Variants in SHANK2 observed in about 807,000 individuals in gnomAD.
The protein encoded by SHANK2 is SH3 and multiple ankyrin repeat domains protein 2.
Under a neutral mutation model 133.7 loss-of-function variants are expected in SHANK2, and 43 were observed. The ratio of observed to expected loss-of-function variants is 0.32; its 90% CI spans 0.25 to 0.41. The LOEUF (loss-of-function observed/expected upper bound fraction) is 0.41. SHANK2 is among the 10% of genes least tolerant of loss of function. The probability of loss-of-function intolerance (pLI) is 1.00; values close to 1 mark genes in which losing one functional copy is unlikely to be tolerated. For missense variants in SHANK2, 1,994 were observed against 2,235.8 expected (o/e 0.89, Z 2.18); for synonymous variants, 1,017 against 952.8 (o/e 1.07, Z -1.24).
chr11:71,128,548 G>A (rs1359404992), intron 3 of SHANK2, among the ~76,000 whole-genome samples: 2 of 152,180 alleles, frequency 1.3e-5, no homozygotes, highest in African/African-American at 2.4e-5. Flanking sequence ...TGTACACACC[G>A]ATCCCGGAAA....
At chr11:71,215,954 A>T (rs781929918) in intron 2 of SHANK2, among the ~76,000 whole-genome samples, 1 of 152,116 alleles carries the variant, frequency 6.6e-6, no homozygotes, top group Non-Finnish European at 1.5e-5. Flanking sequence ...GATGAAGATA[A>T]CCAAGAAGAG....
chr11:70,485,543 G>T lies in SHANK2; in HGVS notation c.4750C>A (p.Pro1584Thr). 1 of 1,612,838 alleles carries T rather than the reference G, an allele frequency of 6.2e-7. No homozygotes were observed. Among genetic ancestry groups the T allele is most frequent in the Non-Finnish European group, 8.5e-7 (1 of 1,180,016 alleles). The change falls in exon 25 of 26, where the codon CCC (proline) becomes ACC (threonine). Residue 1584 changes from proline to threonine, a missense_variant. Coordinates refer to ENST00000601538, the MANE Select transcript of SHANK2 (RefSeq NM_012309.5). The surrounding 1 kb of genome is among the most constrained non-coding windows in gnomAD (Gnocchi z 5.8). Reference protein sequence around the residue: ...SFVIPPPAPPPPPGSAQPGMA... With the variant: ...SFVIPPPAPPTPPGSAQPGMA... The stretch of plus-strand genomic sequence containing the variant: ...CCAGGCTGGGCACTGCCCGGCGGGG[G>T]CGGGGGAGCGGGCGGGGGGATAACA...
At chr11:70,896,323 A>C (rs1459449068) in intron 11 of SHANK2, 178 bp downstream of exon 11, 7 of 564,160 alleles carry the variant, frequency 1.2e-5, no homozygotes, top group Non-Finnish European at 2.2e-5. Context: ...CCCCATCCCC[A>C]CTATAAGTTA....
At chr11:70,818,314 C>T in intron 12 of SHANK2, among the ~76,000 whole-genome samples, 1 of 152,082 alleles carries the variant, frequency 6.6e-6, no homozygotes, top group East Asian at 1.9e-4. Context: ...CATACACAAA[C>T]ACATACACAC....
At chr11:70,555,685 C>T (rs934341260) in intron 17 of SHANK2, among the ~76,000 whole-genome samples, 1 of 152,164 alleles carries the variant, frequency 6.6e-6, no homozygotes, top group African/African-American at 2.4e-5. Flanking sequence ...GTGAATATGC[C>T]ACTGCATTCC....
rs1355137782 is a variant in SHANK2 at position 70,804,382 on chromosome 11, GC to G, written c.1663+2619del. Among the ~76,000 whole-genome samples, 1 of 152,252 alleles carries G rather than the reference GC, an allele frequency of 6.6e-6. No individual in the cohort carries two copies. Among genetic ancestry groups the G allele is most frequent in the Non-Finnish European group, 1.5e-5 (1 of 68,038 alleles). On this transcript the variant is annotated intron_variant, in intron 13 of 25. Transcript: ENST00000601538. This position sits in a 1 kb window ranked among gnomAD's most constrained non-coding sequence, Gnocchi z 4.1. ...CACTGGCAGCAGGAAGGGGCTCCGTGCCAATTGTGTGCAAATGGCCTGCGCG... is the reference window on the plus strand; with the variant it reads ...CACTGGCAGCAGGAAGGGGCTCCGTGCAATTGTGTGCAAATGGCCTGCGCG...
At chr11:71,114,650 C>A (rs941671009) in intron 4 of SHANK2, among the ~76,000 whole-genome samples, 1 of 152,134 alleles carries the variant, frequency 6.6e-6, no homozygotes, top group Non-Finnish European at 1.5e-5. Flanking sequence ...TTTCCCAGAA[C>A]AGAGCAGGCA....
intron 2 of SHANK2, among the ~76,000 whole-genome samples, chr11:71,170,898 G>A (rs1350790449): frequency 6.6e-6 from 1 of 152,238 alleles, no homozygotes; most frequent in Non-Finnish European, 1.5e-5. Flanking sequence ...GCTGGCAGGG[G>A]GTGCATTAGT....
chr11:71,167,945 G>A (rs1178726523), intron 2 of SHANK2, among the ~76,000 whole-genome samples: 7 of 145,730 alleles, frequency 4.8e-5, no homozygotes, highest in East Asian at 4.0e-4. Context: ...CCTCCCTGCC[G>A]GACGAGGTGG....
At chr11:70,905,851 G>A (rs1190852713) in intron 10 of SHANK2, among the ~76,000 whole-genome samples, 7 of 143,284 alleles carry the variant, frequency 4.9e-5, no homozygotes, top group South Asian at 2.2e-4. Context: ...CGCTCTTGTC[G>A]CCCAGGCTTG....
chr11:70,708,587 T>C (rs114036060), intron 14 of SHANK2, among the ~76,000 whole-genome samples: 2,903 of 152,236 alleles, frequency 0.019, 99 homozygotes, highest in African/African-American at 0.067. Context: ...CCTGTGTCCA[T>C]GACAAAGACA....
chr11:70,531,991 C>T (rs1221223020), intron 17 of SHANK2, among the ~76,000 whole-genome samples: 4 of 152,212 alleles, frequency 2.6e-5, no homozygotes, highest in African/African-American at 7.2e-5. Flanking sequence ...ATATGCCCCT[C>T]TCTAGGACAG....
chr11:70,623,305 A>C (rs4980545), intron 17 of SHANK2, among the ~76,000 whole-genome samples: 33,538 of 151,658 alleles, frequency 0.22, 3,856 homozygotes, highest in South Asian at 0.34. Flanking sequence ...CTGGGGCTCT[A>C]AGCCCACCTC....
At chr11:70,598,766 A>G (rs2060435098) in intron 17 of SHANK2, among the ~76,000 whole-genome samples, 1 of 152,252 alleles carries the variant, frequency 6.6e-6, no homozygotes, top group South Asian at 2.1e-4. Flanking sequence ...ATCTAACAGA[A>G]ACATCAATTA....
chr11:70,495,692 G>A (rs886810639), intron 21 of SHANK2, among the ~76,000 whole-genome samples: 7 of 152,212 alleles, frequency 4.6e-5, no homozygotes, highest in Non-Finnish European at 5.9e-5. Context: ...CCAGTGGAGC[G>A]TGAGGCCTGA....
chr11:71,126,725 CTTTT>C lies in SHANK2; in HGVS notation c.208-7697_208-7694del, dbSNP rs200961805. 8.4e-5 allele frequency among the ~76,000 whole-genome samples: 11 copies of C among 130,274 alleles called. No homozygotes were observed. In the East Asian group the frequency reaches 2.0e-3, roughly 23 times the overall value. 85.5% of individuals were successfully genotyped at this position (130,274 alleles called of 152,430 possible). On this transcript the variant is annotated intron_variant, in intron 3 of 25. Transcript: ENST00000601538. ...AGTTGATTCCAACCCTCATAAACGA[CTTTT>C]TTTTTTTTTTTTTTTGAGATGGAGT...
At chr11:70,814,855 A>C (rs1555053937) in intron 12 of SHANK2, among the ~76,000 whole-genome samples, 1 of 152,228 alleles carries the variant, frequency 6.6e-6, no homozygotes, top group Non-Finnish European at 1.5e-5. Flanking sequence ...GGGTGAGGCC[A>C]GGGCAGCCCT....
At chr11:70,863,431 G>A (rs1949294660) in intron 11 of SHANK2, 1 of 457,910 alleles carries the variant, frequency 2.2e-6, no homozygotes, top group Non-Finnish European at 4.4e-6. Flanking sequence ...CGGTGCCCTG[G>A]GACGCCTGTG....
chr11:71,177,132 C>G (rs35351672), intron 2 of SHANK2, among the ~76,000 whole-genome samples: 26 of 108,960 alleles, frequency 2.4e-4, no homozygotes, highest in South Asian at 9.6e-4. Context: ...ATGAAGTAGC[C>G]GAAAGAATTC....
Sources: allele counts gnomAD v4.1 joint callset (sites outside exome capture counted in the v4.1 genomes callset), GRCh38; gene constraint gnomAD v4.1.1; non-coding constraint Gnocchi (gnomAD v3.1); transcripts MANE v1.5; gene names NCBI Gene and HGNC (gene_info 2026-07-23, HGNC 2026-07-21).